GRM7: variants seen among roughly 807,000 people sequenced by gnomAD.
GRM7 encodes the protein glutamate metabotropic receptor 7, also known as metabotropic glutamate receptor 7.
Under a neutral mutation model 84.5 loss-of-function variants are expected in GRM7, and 35 were observed. That is an observed-to-expected ratio of 0.41 (90% CI 0.32 to 0.55). The LOEUF is 0.55. Among genes scored for constraint, GRM7 ranks in the 20% least tolerant of loss-of-function variants. The pLI is 0.19. For synonymous variants in GRM7, 487 were observed against 455.1 expected (o/e 1.07, Z -0.89); for missense variants, 1,003 against 1,194.6 (o/e 0.84, Z 2.36).
At chr3:7,271,464 C>G (rs895053808) in intron 2 of GRM7, among the ~76,000 whole-genome samples, 3 of 149,340 alleles carry the variant, frequency 2.0e-5, no homozygotes, top group Admixed American at 6.8e-5. Context: ...GAGGCTGAGG[C>G]AGGAGAATGG....
intron 4 of GRM7, among the ~76,000 whole-genome samples, chr3:7,368,711 T>G (rs1397188651): frequency 1.3e-5 from 2 of 152,240 alleles, no homozygotes; most frequent in East Asian, 3.9e-4. Context: ...ACTGTTTGGT[T>G]GTGGTGAAGA....
intron 8 of GRM7, among the ~76,000 whole-genome samples, chr3:7,648,845 A>G (rs1362753528): frequency 6.6e-6 from 1 of 152,168 alleles, no homozygotes. Context: ...CGAAAGTCAG[A>G]CGTTGTGGCG....
At chr3:7,152,236 C>G (rs921282098) in intron 2 of GRM7, among the ~76,000 whole-genome samples, 5 of 152,250 alleles carry the variant, frequency 3.3e-5, no homozygotes, top group Admixed American at 1.3e-4. Flanking sequence ...TGTCCCCTTC[C>G]CCCATCATTA....
Position 7,410,571 on chromosome 3 carries a change from C to CA in GRM7, c.1034-4445dup, listed in dbSNP as rs200197427. On this transcript the variant is annotated intron_variant, in intron 4 of 9. Transcript: ENST00000357716. ...CTGGGGACAGAGAAAGACCCTGTCT[C>CA]AAAAAAACAAAATATATATATATAT... Among the ~76,000 whole-genome samples the CA allele has an allele frequency of 4.5e-3, 621 of 139,082 alleles. 4 individuals carry two copies. The highest frequency in any genetic ancestry group is 0.021 in the South Asian group (87 of 4,226). The allele number at this position is 139,082 out of a possible 152,430, so 91.2% of individuals were successfully genotyped here.
At chr3:6,910,442 C>T (rs976165524) in intron 1 of GRM7, among the ~76,000 whole-genome samples, 2 of 152,100 alleles carry the variant, frequency 1.3e-5, no homozygotes, top group Non-Finnish European at 2.9e-5. Flanking sequence ...CTTAAATACA[C>T]AGCCTCCTGA....
At chr3:7,374,157 A>G (rs1411227800) in intron 4 of GRM7, among the ~76,000 whole-genome samples, 1 of 152,162 alleles carries the variant, frequency 6.6e-6, no homozygotes, top group Non-Finnish European at 1.5e-5. Context: ...AAATATTAGT[A>G]AGATATAACA....
chr3:7,253,122 A>G (rs1264856663), intron 2 of GRM7, among the ~76,000 whole-genome samples: 2 of 151,222 alleles, frequency 1.3e-5, no homozygotes, highest in Non-Finnish European at 2.9e-5. Flanking sequence ...TGGATACACC[A>G]TGCACTCCTC....
At chr3:6,901,358 G>T (rs1341783935) in intron 1 of GRM7, among the ~76,000 whole-genome samples, 1 of 152,040 alleles carries the variant, frequency 6.6e-6, no homozygotes, top group Non-Finnish European at 1.5e-5. Flanking sequence ...CCAGTACTTT[G>T]GGAGGCCAAG....
At chr3:7,224,526 G>C (rs940314129) in intron 2 of GRM7, among the ~76,000 whole-genome samples, 10 of 152,180 alleles carry the variant, frequency 6.6e-5, no homozygotes, top group Admixed American at 1.3e-4. Flanking sequence ...CACAGTCATG[G>C]CCCTTGTAGA....
intron 4 of GRM7, among the ~76,000 whole-genome samples, chr3:7,396,412 T>C (rs986139606): frequency 6.6e-6 from 1 of 152,160 alleles, no homozygotes; most frequent in African/African-American, 2.4e-5. Flanking sequence ...CTTTACAAAT[T>C]AAAAAAGACA....
chr3:7,670,423 G>A (rs868472563), intron 8 of GRM7, among the ~76,000 whole-genome samples: 4 of 152,154 alleles, frequency 2.6e-5, no homozygotes, highest in South Asian at 4.1e-4. Flanking sequence ...AGCCATTGTC[G>A]ATGGCTTTGA....
chr3:7,169,610 C>T (rs1049153522), intron 2 of GRM7, among the ~76,000 whole-genome samples: 7 of 152,122 alleles, frequency 4.6e-5, no homozygotes, highest in East Asian at 3.8e-4. Context: ...CCAGGTAAAA[C>T]GATAAGTTAG....
intron 1 of GRM7, among the ~76,000 whole-genome samples, chr3:6,880,233 ACT>A (rs1695459842): frequency 6.6e-6 from 1 of 152,194 alleles, no homozygotes; most frequent in Non-Finnish European, 1.5e-5. Context: ...CCCAAATTCT[ACT>A]TTATTTTATG....
intron 7 of GRM7, among the ~76,000 whole-genome samples, chr3:7,529,666 G>C (rs906659797): frequency 6.6e-6 from 1 of 151,964 alleles, no homozygotes; most frequent in Non-Finnish European, 1.5e-5. Context: ...GAACACCTTT[G>C]CATTTTGCTC....
chr3:7,378,295 A>G (rs1694442824), intron 4 of GRM7, among the ~76,000 whole-genome samples: 1 of 152,218 alleles, frequency 6.6e-6, no homozygotes, highest in Non-Finnish European at 1.5e-5. Flanking sequence ...AATTTGAAAG[A>G]AAAAGGCAGA....
chr3:7,153,181 C>T (rs1160270120), intron 2 of GRM7, among the ~76,000 whole-genome samples: 4 of 142,736 alleles, frequency 2.8e-5, no homozygotes, highest in African/African-American at 8.2e-5. Context: ...ACCGAGCCTC[C>T]TTTGTTTCTG....
intron 7 of GRM7, among the ~76,000 whole-genome samples, chr3:7,503,000 A>G (rs1699929253): frequency 2.0e-5 from 3 of 152,120 alleles, no homozygotes; most frequent in Non-Finnish European, 4.4e-5. Context: ...TTGCGTATAC[A>G]ATAGACTTAG....
intron 7 of GRM7, among the ~76,000 whole-genome samples, chr3:7,517,454 A>G (rs1700435347): frequency 1.3e-5 from 2 of 152,252 alleles, no homozygotes; most frequent in South Asian, 2.1e-4. Context: ...GTGCAGTTGC[A>G]TGATCTCGGC....
At chr3:6,966,528 G>A (rs1693527181) in intron 1 of GRM7, among the ~76,000 whole-genome samples, 1 of 152,182 alleles carries the variant, frequency 6.6e-6, no homozygotes, top group Non-Finnish European at 1.5e-5. Flanking sequence ...ACTTCCCTAA[G>A]ATTGCCCATT....
Sources: allele counts gnomAD v4.1 joint callset (sites outside exome capture counted in the v4.1 genomes callset), GRCh38; gene constraint gnomAD v4.1.1; transcripts MANE v1.5; gene names NCBI Gene and HGNC (gene_info 2026-07-23, HGNC 2026-07-21).